Variants in PINX1 observed in about 807,000 individuals in gnomAD.
PINX1 encodes the protein PIN2 (TERF1) interacting telomerase inhibitor 1, also known as PIN2/TERF1-interacting telomerase inhibitor 1.
Under a neutral mutation model 25.4 loss-of-function variants are expected in PINX1, and 34 were observed. That is an observed-to-expected ratio of 1.34 (90% CI 1.02 to 1.78). The LOEUF is 1.78. PINX1 is among the 40% of genes most tolerant of loss of function. PINX1 has a pLI of 0.00. For missense variants in PINX1, 592 were observed against 404.9 expected, an observed-to-expected ratio of 1.46 and a Z score of -3.97; for synonymous variants, 197 against 147.7, an observed-to-expected ratio of 1.33 and a Z score of -2.42.
At chr8:10,801,588 G>C (rs1315750026) in intron 6 of PINX1, among the ~76,000 whole-genome samples, 2 of 152,146 alleles carry the variant, frequency 1.3e-5, no homozygotes, top group Non-Finnish European at 2.9e-5. Flanking sequence ...TGGAAGTCCA[G>C]GGAAGACCTA....
intron 6 of PINX1, among the ~76,000 whole-genome samples, chr8:10,808,997 G>C (rs936650332): frequency 6.6e-6 from 1 of 152,194 alleles, no homozygotes; most frequent in Non-Finnish European, 1.5e-5. Context: ...TCAACAGCCT[G>C]TTTCTCTCTA....
chr8:10,815,977 C>T (rs192444912), intron 6 of PINX1, among the ~76,000 whole-genome samples: 23 of 152,270 alleles, frequency 1.5e-4, no homozygotes, highest in African/African-American at 5.3e-4. Context: ...CAGCATCAAA[C>T]GGAGAGACCA....
In PINX1 at chr8:10,834,668, T is replaced by C. The variant is rs760082322; in HGVS notation, c.127A>G (p.Lys43Glu). The change falls in exon 2 of 7, where the codon AAG becomes GAG. Residue 43 changes from lysine (K) to glutamate (E), a missense_variant and splice_region_variant. Coordinates refer to ENST00000314787, the MANE Select transcript of PINX1 (RefSeq NM_017884.6). ...TTTTCCGCTTTTCTCCAAAATACCT[T>C]TCCTTTAGACCACCCCATCTTCTCT... ...MLEKMGWSKG[K>E]GLGAQEQGAT... 5.0e-6 allele frequency: 8 copies of C among 1,612,638 alleles called. No homozygotes were observed. Among genetic ancestry groups the C allele is most frequent in the Non-Finnish European group, 6.8e-6 (8 of 1,179,396 alleles).
At position 10,765,596 on chromosome 8, in the gene PINX1, G is replaced by A. The variant is rs1214356679; in HGVS notation, c.792C>T (p.Pro264=). 6.2e-7 allele frequency: 1 copy of A among 1,613,654 alleles called. No homozygotes were observed. The highest frequency in any genetic ancestry group is 8.5e-7 in the Non-Finnish European group (1 of 1,179,860). The part of the protein sequence containing the change: ...SAPAEEQLRG[P]CWDQSSKASA... ...AGGCCTTGGAACTCTGGTCCCAGCA[G>A]GGGCCTCTGAGCTGCTCTTCTGCTG... The change falls in exon 7 of 7, where the codon CCC becomes CCT. Residue 264 remains proline, a synonymous_variant. Transcript: ENST00000314787.
chr8:10,809,569 G>C (rs754277958), intron 6 of PINX1, among the ~76,000 whole-genome samples: 1 of 152,202 alleles, frequency 6.6e-6, no homozygotes, highest in African/African-American at 2.4e-5. Context: ...ACTCCAGCCA[G>C]CCAATATCCC....
chr8:10,807,155 T>C (rs1802476927), intron 6 of PINX1, among the ~76,000 whole-genome samples: 1 of 152,070 alleles, frequency 6.6e-6, no homozygotes, highest in South Asian at 2.1e-4. Context: ...AAAAACACAA[T>C]GCCTCCAGAG....
At chr8:10,774,690 A>G (rs1226000734) in intron 6 of PINX1, among the ~76,000 whole-genome samples, 1 of 152,238 alleles carries the variant, frequency 6.6e-6, no homozygotes, top group African/African-American at 2.4e-5. Context: ...AGAAAGGTAA[A>G]TTAGGTGAAT....
chr8:10,780,886 G>A (rs1181044048), intron 6 of PINX1, among the ~76,000 whole-genome samples: 2 of 152,134 alleles, frequency 1.3e-5, no homozygotes, highest in African/African-American at 2.4e-5. Context: ...AAAAGACCTC[G>A]AATAACTGAA....
chr8:10,773,547 C>T (rs1399383275), intron 6 of PINX1, among the ~76,000 whole-genome samples: 3 of 152,178 alleles, frequency 2.0e-5, no homozygotes, highest in Admixed American at 2.0e-4. Flanking sequence ...ATAATACGAA[C>T]TAGAAGGGAC....
chr8:10,808,090 T>A (rs1200761315), intron 6 of PINX1, among the ~76,000 whole-genome samples: 1 of 152,228 alleles, frequency 6.6e-6, no homozygotes. Flanking sequence ...GAAATGTTAT[T>A]ATTGTACACT....
At chr8:10,789,266 C>T (rs560289762) in intron 6 of PINX1, among the ~76,000 whole-genome samples, 7 of 152,308 alleles carry the variant, frequency 4.6e-5, no homozygotes, top group African/African-American at 1.4e-4. Context: ...CCATGCTGGA[C>T]GAGCATCCTT....
At chr8:10,798,444 A>T (rs1044740849) in intron 6 of PINX1, among the ~76,000 whole-genome samples, 2 of 152,258 alleles carry the variant, frequency 1.3e-5, no homozygotes, top group African/African-American at 4.8e-5. Flanking sequence ...TGATTTCAGA[A>T]GTCAATATGA....
chr8:10,829,628 C>A (rs1275250630), intron 4 of PINX1, among the ~76,000 whole-genome samples: 1 of 152,100 alleles, frequency 6.6e-6, no homozygotes, highest in Non-Finnish European at 1.5e-5. Context: ...GTGTTTGTCT[C>A]TAAACCACTG....
chr8:10,811,115 G>C (rs1415312913), intron 6 of PINX1, among the ~76,000 whole-genome samples: 2 of 152,368 alleles, frequency 1.3e-5, no homozygotes, highest in Non-Finnish European at 2.9e-5. Context: ...ACTTCGCTAA[G>C]AGTTCTTCAT....
intron 1 of PINX1, 75 bp downstream of exon 1, chr8:10,839,663 A>T (rs779852396): frequency 4.8e-5 from 71 of 1,491,334 alleles, no homozygotes; most frequent in Middle Eastern, 1.7e-4. Context: ...GCTCCCAGCC[A>T]CTCCGGGCTG....
intron 6 of PINX1, among the ~76,000 whole-genome samples, chr8:10,810,992 A>G (rs960167667): frequency 2.0e-5 from 3 of 152,224 alleles, no homozygotes; most frequent in Admixed American, 6.5e-5. Flanking sequence ...GATGTTTCCT[A>G]TAAGTTATTA....
At chr8:10,825,444 G>T (rs765721108) in intron 5 of PINX1, 1 of 534,796 alleles carries the variant, frequency 1.9e-6, no homozygotes, top group Non-Finnish European at 3.8e-6. Flanking sequence ...TCATGATACT[G>T]TTCTACAGAC....
At position 10,806,130 on chromosome 8, in the gene PINX1, T is replaced by C. The variant is rs1468728705; in HGVS notation, c.471+14063A>G. On this transcript the variant is annotated intron_variant, in intron 6 of 6. Coordinates refer to ENST00000314787, the MANE Select transcript of PINX1 (RefSeq NM_017884.6). ...GGAGCACAGGAAGGGGCCACACTAG[T>C]GCTGAGGGGGTGACGGAGCACAGGA... Among the ~76,000 whole-genome samples the C allele has an allele frequency of 1.0e-4, 11 of 106,460 alleles. 1 individual carries two copies. The highest frequency in any genetic ancestry group is 2.9e-4 in the East Asian group (1 of 3,462). The allele number at this position is 106,460 out of a possible 152,430, so 69.8% of individuals were successfully genotyped here. A position where few individuals can be genotyped will look rare whatever the true frequency, so the allele number is the denominator to read the frequency against.
intron 6 of PINX1, among the ~76,000 whole-genome samples, chr8:10,807,780 G>C (rs10099928): frequency 0.22 from 34,149 of 152,104 alleles, 4,011 homozygotes; most frequent in East Asian, 0.34. Context: ...GCCCTTTTCA[G>C]AAAGCTGTGG....
Sources: gnomAD v4.1 joint callset for allele counts (sites outside exome capture counted in the v4.1 genomes callset) on GRCh38, gnomAD v4.1.1 for gene constraint, MANE v1.5 for transcripts, NCBI Gene and HGNC (gene_info 2026-07-23, HGNC 2026-07-21) for gene names.